Variants in FBN1 observed in about 807,000 individuals in gnomAD.
FBN1 encodes the protein fibrillin 1.
A neutral mutation model predicts 365.1 loss-of-function variants in FBN1; 29 were observed. The ratio of observed to expected loss-of-function variants is 0.08; its 90% CI spans 0.06 to 0.11. FBN1 has a LOEUF of 0.11. Among genes scored for constraint, FBN1 ranks in the 10% least tolerant of loss-of-function variants. The pLI is 1.00. For missense variants in FBN1, 2,476 were observed against 3,703.2 expected (o/e 0.67, Z 8.60); for synonymous variants, 1,210 against 1,270.5 (o/e 0.95, Z 1.01).
chr15:48,640,864 T>C (rs1396323729), intron 2 of FBN1: 3 of 152,090 alleles, frequency 2.0e-5, no homozygotes, highest in Non-Finnish European at 4.4e-5. Flanking sequence ...AAATAAATGG[T>C]GCATAACTAT....
rs373788080 is a variant in FBN1, at chr15:48,539,674, G to A, written c.539-1866C>T. On this transcript the variant is annotated intron_variant, in intron 6 of 65. Transcript: ENST00000316623. ...AAAATTGTGTGAGTGATATCTACATGCAACCAGACTCACCATGCCAAAAGA... is the reference window on the plus strand; with the variant it reads ...AAAATTGTGTGAGTGATATCTACATACAACCAGACTCACCATGCCAAAAGA... Among the ~76,000 whole-genome samples, 7 of 152,158 alleles carry A rather than the reference G, an allele frequency of 4.6e-5. No homozygotes were observed. The South Asian group carries it at 1.2e-3, about 27-fold the overall frequency.
intron 4 of FBN1, among the ~76,000 whole-genome samples, chr15:48,608,327 T>C (rs2044629896): frequency 6.6e-6 from 1 of 152,154 alleles, no homozygotes; most frequent in African/African-American, 2.4e-5. Context: ...CGTTCAGTGA[T>C]CTAAATTGAT....
intron 57 of FBN1, 117 bp downstream of exon 57, chr15:48,428,229 A>AT: frequency 7.3e-7 from 1 of 1,368,092 alleles, no homozygotes; most frequent in East Asian, 2.4e-5. Context: ...AAATATGAAC[A>AT]TTTTTTATCC....
intron 2 of FBN1, among the ~76,000 whole-genome samples, chr15:48,629,452 A>T (rs1443963034): frequency 6.6e-6 from 1 of 152,222 alleles, no homozygotes; most frequent in Admixed American, 6.5e-5. Context: ...TAAACTGCAA[A>T]AAAACAAATA....
chr15:48,470,182 G>A (rs1302310233), intron 36 of FBN1, among the ~76,000 whole-genome samples: 1 of 152,082 alleles, frequency 6.6e-6, no homozygotes, highest in Non-Finnish European at 1.5e-5. Flanking sequence ...CTAGAGATAG[G>A]TGGCTGAGCT....
At chr15:48,423,409 T>G (rs1203731289) in intron 60 of FBN1, among the ~76,000 whole-genome samples, 2 of 152,166 alleles carry the variant, frequency 1.3e-5, no homozygotes, top group Non-Finnish European at 2.9e-5. Context: ...ATGCTGCCTG[T>G]CCTGTGCTCT....
intron 4 of FBN1, among the ~76,000 whole-genome samples, chr15:48,601,521 T>C (rs1393941939): frequency 6.6e-6 from 1 of 152,196 alleles, no homozygotes; most frequent in Non-Finnish European, 1.5e-5. Context: ...ATCTTCTTTC[T>C]ACACAAAAGC....
Position 48,496,126 on chromosome 15 carries a change from T to C in FBN1, c.2393A>G (p.Tyr798Cys), listed in dbSNP as rs1064793112. 4 of 1,613,734 alleles carry C rather than the reference T, an allele frequency of 2.5e-6. No individual in the cohort carries two copies. The highest frequency in any genetic ancestry group is 1.3e-5 in the African/African-American group (1 of 74,910). ...TTCACATGTTTTTAGATCAGGTTTG[T>C]AGATAAATCCCTTGGGGCAGGTACA... ...FVCTCPKGFI[Y>C]KPDLKTCEDI... Residue 798 changes from tyrosine to cysteine, a missense_variant, in exon 20 of 66, where the codon TAC becomes TGC. Around this residue, in one of 5 missense-constraint regions of FBN1, gnomAD observed 1,780 missense variants for 2,840.8 expected, o/e 0.63. Transcript: ENST00000316623.
intron 25 of FBN1, 80 bp from the exon 26 acceptor site, chr15:48,488,573 C>T (rs1232713572): frequency 1.3e-5 from 20 of 1,539,642 alleles, no homozygotes; most frequent in African/African-American, 4.1e-5. Context: ...CATTTTAAAT[C>T]ATGAAGGTTG....
intron 35 of FBN1, 106 bp downstream of exon 35, chr15:48,472,445 A>G: frequency 2.9e-6 from 4 of 1,366,896 alleles, no homozygotes; most frequent in Non-Finnish European, 4.1e-6. Flanking sequence ...TGAAGCTAAA[A>G]CACACCTCAG....
At chr15:48,438,868 G>A (rs146778758) in intron 50 of FBN1, among the ~76,000 whole-genome samples, 179 of 152,078 alleles carry the variant, frequency 1.2e-3, no homozygotes, top group Non-Finnish European at 1.9e-3. Flanking sequence ...GTTTTCCCTC[G>A]AACTTGACTT....
At chr15:48,500,915 T>C (rs999731411) in intron 17 of FBN1, among the ~76,000 whole-genome samples, 2 of 152,206 alleles carry the variant, frequency 1.3e-5, no homozygotes, top group African/African-American at 4.8e-5. Context: ...CTCCCTCAAC[T>C]GACTGAAGAC....
Position 48,596,390 on chromosome 15 carries a change from GGA to G in FBN1, c.443-14_443-13del. 1.6e-5 allele frequency: 25 copies of G among 1,611,520 alleles called. No individual in the cohort carries two copies. The highest frequency in any genetic ancestry group is 2.1e-5 in the Non-Finnish European group (25 of 1,177,644). ...ACTTTCACAAACAGCTGTAAAATAA[GGA>G]GAGAGCTGAGACGCTTTACCTGAAA... On this transcript the variant is annotated splice_polypyrimidine_tract_variant and intron_variant, in intron 5 of 65. Coordinates refer to ENST00000316623, the MANE Select transcript of FBN1 (RefSeq NM_000138.5).
intron 49 of FBN1, among the ~76,000 whole-genome samples, 159 bp downstream of exon 49, chr15:48,444,382 T>C (rs1012593821): frequency 4.6e-5 from 7 of 152,238 alleles, no homozygotes; most frequent in Non-Finnish European, 8.8e-5. Flanking sequence ...TTAGTGCTTC[T>C]TGTCTTGCCA....
At chr15:48,566,254 A>G (rs992019408) in intron 6 of FBN1, among the ~76,000 whole-genome samples, 3 of 152,220 alleles carry the variant, frequency 2.0e-5, no homozygotes, top group Non-Finnish European at 4.4e-5. Context: ...GCAACAGGGG[A>G]AAAAGTTTCA....
intron 63 of FBN1, among the ~76,000 whole-genome samples, chr15:48,420,445 T>C (rs1195062904): frequency 1.3e-5 from 2 of 152,160 alleles, no homozygotes; most frequent in East Asian, 3.8e-4. Flanking sequence ...GATATTGCGC[T>C]TCAAGAAATT....
intron 32 of FBN1, among the ~76,000 whole-genome samples, chr15:48,479,512 A>G (rs2141285317): frequency 6.6e-6 from 1 of 152,348 alleles, no homozygotes; most frequent in Admixed American, 6.5e-5. Context: ...GTCTTCCTAC[A>G]GTGCTAGCTG....
At position 48,465,549 on chromosome 15, in the gene FBN1, T is replaced by C; in HGVS notation, c.4942+19A>G. 6.2e-7 allele frequency: 1 copy of C among 1,613,808 alleles called. No homozygotes were observed. Among genetic ancestry groups the C allele is most frequent in the Non-Finnish European group, 8.5e-7 (1 of 1,179,866 alleles). On this transcript the variant is annotated intron_variant, in intron 40 of 65. Transcript: ENST00000316623. The stretch of plus-strand genomic sequence containing the variant: ...TCTTGATATCTGCAAGACCTTATCA[T>C]CCTACCAGGACCATTTACCATCACA...
At chr15:48,618,052 G>C (rs562225320) in intron 2 of FBN1, among the ~76,000 whole-genome samples, 81 of 152,124 alleles carry the variant, frequency 5.3e-4, no homozygotes, top group Non-Finnish European at 9.3e-4. Context: ...GACTGACCCT[G>C]CTCCATTAAC....
Sources: gnomAD v4.1 joint callset for allele counts (sites outside exome capture counted in the v4.1 genomes callset) on GRCh38, gnomAD v4.1.1 for gene constraint, gnomAD v4.1.1 regional missense constraint, MANE v1.5 for transcripts, NCBI Gene and HGNC (gene_info 2026-07-23, HGNC 2026-07-21) for gene names.